The following CDIN1 variants were observed in gnomAD, a reference collection of about 807,000 sequenced individuals.
CDIN1 encodes the protein CDAN1-interacting nuclease 1.
Under a neutral mutation model 45.3 loss-of-function variants are expected in CDIN1, and 33 were observed. That is an observed-to-expected ratio of 0.73 (90% CI 0.55 to 0.97). The LOEUF (loss-of-function observed/expected upper bound fraction) is 0.97, where lower values mean the gene tolerates loss of function less well. CDIN1 is among the 50% of genes least tolerant of loss of function. The pLI is 0.00. For missense variants in CDIN1, 303 were observed against 339.4 expected, an observed-to-expected ratio of 0.89 and a Z score of 0.84; for synonymous variants, 118 against 124.4, an observed-to-expected ratio of 0.95 and a Z score of 0.34.
At chr15:36,764,874 A>G (rs1351978572) in intron 10 of CDIN1, among the ~76,000 whole-genome samples, 1 of 152,094 alleles carries the variant, frequency 6.6e-6, no homozygotes, top group Non-Finnish European at 1.5e-5. Context: ...TGCTGCCGAT[A>G]AGAATGTGGG....
chr15:36,755,852 G>A, intron 10 of CDIN1: 1 of 241,966 alleles, frequency 4.1e-6, no homozygotes, highest in Admixed American at 5.2e-5. Flanking sequence ...TATTTATGTG[G>A]ATCACAAGAG....
chr15:36,795,915 C>G (rs1290042425), intron 10 of CDIN1, among the ~76,000 whole-genome samples: 1 of 152,052 alleles, frequency 6.6e-6, no homozygotes, highest in Admixed American at 6.5e-5. Flanking sequence ...ATGGTTCTTC[C>G]TGCTCTCTAG....
At chr15:36,775,101 C>A (rs1244561595) in intron 10 of CDIN1, among the ~76,000 whole-genome samples, 1 of 152,192 alleles carries the variant, frequency 6.6e-6, no homozygotes, top group Non-Finnish European at 1.5e-5. Flanking sequence ...AGAAACCTTA[C>A]AACATCCCCA....
chr15:36,783,796 C>G (rs1441920479), intron 10 of CDIN1, among the ~76,000 whole-genome samples: 1 of 152,172 alleles, frequency 6.6e-6, no homozygotes, highest in Non-Finnish European at 1.5e-5. Context: ...CAGCTAAACC[C>G]ACACTGCTCA....
intron 10 of CDIN1, among the ~76,000 whole-genome samples, chr15:36,767,329 TG>T (rs1000582753): frequency 2.0e-5 from 3 of 152,196 alleles, no homozygotes; most frequent in African/African-American, 7.2e-5. Flanking sequence ...TTGGGCTTCC[TG>T]AGTCAGATCT....
At chr15:36,729,830 T>C (rs1345465207) in intron 10 of CDIN1, among the ~76,000 whole-genome samples, 1 of 152,184 alleles carries the variant, frequency 6.6e-6, no homozygotes, top group African/African-American at 2.4e-5. Flanking sequence ...GTCTCTAGGT[T>C]TCATTATTTA....
chr15:36,769,718 G>T (rs1303003174), intron 10 of CDIN1, among the ~76,000 whole-genome samples: 1 of 152,078 alleles, frequency 6.6e-6, no homozygotes, highest in Non-Finnish European at 1.5e-5. Flanking sequence ...CTTCCTCAAG[G>T]TGACACCATT....
intron 5 of CDIN1, among the ~76,000 whole-genome samples, chr15:36,686,190 G>C (rs985340553): frequency 8.6e-5 from 13 of 151,984 alleles, no homozygotes; most frequent in Non-Finnish European, 1.5e-4. Context: ...ACTGGATTAA[G>C]AAAATGTGGC....
chr15:36,645,199 GTGT>G (rs1039558245), intron 2 of CDIN1, 21 bp from the exon 3 acceptor site: 2 of 1,530,434 alleles, frequency 1.3e-6, no homozygotes, highest in African/African-American at 1.4e-5. Flanking sequence ...AGATTTTTTT[GTGT>G]TGTTGTTTTT....
At chr15:36,659,639 TC>T (rs1161971515) in intron 5 of CDIN1, among the ~76,000 whole-genome samples, 17 of 151,794 alleles carry the variant, frequency 1.1e-4, no homozygotes, top group African/African-American at 4.1e-4. Flanking sequence ...TTTTTTTTTT[TC>T]CTGAGTAAAA....
chr15:36,773,924 C>T (rs1386813253), intron 10 of CDIN1, among the ~76,000 whole-genome samples: 1 of 152,212 alleles, frequency 6.6e-6, no homozygotes, highest in Non-Finnish European at 1.5e-5. Flanking sequence ...GTCTCCAGTC[C>T]TTGACACCTC....
At chr15:36,744,301 G>A (rs1396976352) in intron 10 of CDIN1, among the ~76,000 whole-genome samples, 1 of 152,112 alleles carries the variant, frequency 6.6e-6, no homozygotes, top group Non-Finnish European at 1.5e-5. Flanking sequence ...AGCCACATTA[G>A]CATCTTTTTT....
chr15:36,738,955 A>G (rs1191220137), intron 10 of CDIN1, among the ~76,000 whole-genome samples: 1 of 152,264 alleles, frequency 6.6e-6, no homozygotes, highest in Non-Finnish European at 1.5e-5. Flanking sequence ...AAATGTAAAT[A>G]TCATGTACCA....
intron 10 of CDIN1, chr15:36,798,834 T>A (rs1387165336): frequency 3.9e-5 from 6 of 152,202 alleles, no homozygotes; most frequent in Non-Finnish European, 8.8e-5. Flanking sequence ...ATAATGTGGT[T>A]CTAATTTCTA....
intron 5 of CDIN1, among the ~76,000 whole-genome samples, chr15:36,678,563 G>T (rs1043551891): frequency 2.0e-5 from 3 of 152,058 alleles, no homozygotes; most frequent in Admixed American, 6.6e-5. Flanking sequence ...AGAGAACTAG[G>T]CTCTCACAAC....
intron 1 of CDIN1, among the ~76,000 whole-genome samples, chr15:36,640,950 C>A (rs1020440748): frequency 7.2e-5 from 11 of 152,148 alleles, no homozygotes; most frequent in African/African-American, 2.4e-4. Context: ...TGTTTAAACT[C>A]TATATGGGAA....
intron 1 of CDIN1, among the ~76,000 whole-genome samples, chr15:36,598,245 G>A (rs922592931): frequency 1.1e-4 from 16 of 152,016 alleles, no homozygotes; most frequent in African/African-American, 2.2e-4. Flanking sequence ...ACCCACCTCC[G>A]CCTCCCAAAG....
chr15:36,725,280 T>C (rs2043582520), intron 10 of CDIN1, among the ~76,000 whole-genome samples: 1 of 150,916 alleles, frequency 6.6e-6, no homozygotes, highest in Non-Finnish European at 1.5e-5. Flanking sequence ...ATCATTTAAA[T>C]AGATATAAAT....
chr15:36,617,999 G>C, intron 1 of CDIN1: 1 of 789,020 alleles, frequency 1.3e-6, no homozygotes, highest in Non-Finnish European at 2.3e-6. Context: ...TGCCTCCCCA[G>C]TCTTTATGCA....
Sources: allele counts gnomAD v4.1 joint callset (sites outside exome capture counted in the v4.1 genomes callset), GRCh38; gene constraint gnomAD v4.1.1; transcripts MANE v1.5; gene names NCBI Gene and HGNC (gene_info 2026-07-23, HGNC 2026-07-21).